DTD1: variants seen among roughly 807,000 people sequenced by gnomAD.
The protein encoded by DTD1 is D-tyrosyl-tRNA deacylase 1 homolog.
In DTD1, 13 loss-of-function variants were observed where a neutral mutation model predicts 25.6. The ratio of observed to expected loss-of-function variants is 0.51; its 90% CI spans 0.33 to 0.81. DTD1 has a LOEUF of 0.81. DTD1 is among the 30% of genes least tolerant of loss of function. DTD1 has a pLI of 0.02. For synonymous variants in DTD1, 110 were observed against 103.6 expected, an observed-to-expected ratio of 1.06 and a Z score of -0.37; for missense variants, 193 against 266.4, an observed-to-expected ratio of 0.72 and a Z score of 1.92.
chr20:18,607,260 C>G (rs1009946637), intron 3 of DTD1, among the ~76,000 whole-genome samples: 1 of 152,014 alleles, frequency 6.6e-6, no homozygotes, highest in Admixed American at 6.5e-5. Context: ...CTTCCGGGTT[C>G]AAACGATTCT....
chr20:18,722,325 A>G (rs1345367888), intron 4 of DTD1, among the ~76,000 whole-genome samples: 1 of 152,268 alleles, frequency 6.6e-6, no homozygotes, highest in Non-Finnish European at 1.5e-5. Context: ...TGCCCAGGCC[A>G]CTTGGCTAGG....
chr20:18,712,403 G>GTGGGGT (rs1487216379), intron 4 of DTD1, among the ~76,000 whole-genome samples: 1 of 145,908 alleles, frequency 6.9e-6, no homozygotes, highest in East Asian at 2.1e-4. Context: ...GGGGGTGGGG[G>GTGGGGT]TGGGGGGGAA....
At chr20:18,658,773 G>A (rs1352200163) in intron 4 of DTD1, among the ~76,000 whole-genome samples, 1 of 152,204 alleles carries the variant, frequency 6.6e-6, no homozygotes, top group Non-Finnish European at 1.5e-5. Flanking sequence ...CACTCCCCAT[G>A]TTAGCATCAA....
chr20:18,734,582 T>C (rs918791685), intron 4 of DTD1, among the ~76,000 whole-genome samples: 17 of 152,248 alleles, frequency 1.1e-4, no homozygotes, highest in African/African-American at 4.1e-4. Flanking sequence ...CAGAGCACAC[T>C]GAGGCATGGT....
At chr20:18,606,961 G>A (rs1265807418) in intron 3 of DTD1, among the ~76,000 whole-genome samples, 1 of 151,872 alleles carries the variant, frequency 6.6e-6, no homozygotes, top group Non-Finnish European at 1.5e-5. Flanking sequence ...TTTACTGAGA[G>A]TTTCTATCAT....
chr20:18,685,540 C>T (rs1005341362), intron 4 of DTD1, among the ~76,000 whole-genome samples: 5 of 152,132 alleles, frequency 3.3e-5, no homozygotes, highest in Admixed American at 2.6e-4. Flanking sequence ...CTGAGCCCTG[C>T]GCCTCGCTCC....
chr20:18,673,303 A>G lies in DTD1; in HGVS notation c.477+45070A>G, dbSNP rs118176350. Among the ~76,000 whole-genome samples, 1,485 of 152,324 alleles carry G rather than the reference A, an allele frequency of 9.7e-3. 11 individuals are homozygous for G. Among genetic ancestry groups the G allele is most frequent in the Admixed American group, 0.014 (209 of 15,298 alleles). On this transcript the variant is annotated intron_variant, in intron 4 of 5. Transcript: ENST00000377452. ...AATAAAATGTTTAACCTTTTCTGGT[A>G]TGAAAAATTCTACAAGTCAAAACAC...
chr20:18,711,515 C>CG (rs779399359), intron 4 of DTD1, among the ~76,000 whole-genome samples: 7 of 147,370 alleles, frequency 4.7e-5, no homozygotes, highest in Non-Finnish European at 1.1e-4. Context: ...TAGGCTTGTC[C>CG]TTTTTTTTTT....
chr20:18,651,000 A>G (rs1423323750), intron 4 of DTD1, among the ~76,000 whole-genome samples: 1 of 152,226 alleles, frequency 6.6e-6, no homozygotes, highest in Admixed American at 6.5e-5. Flanking sequence ...AGCAGGAGAG[A>G]AACCTATTAA....
chr20:18,596,728 C>CTTTT (rs1465192330), intron 3 of DTD1, among the ~76,000 whole-genome samples: 1 of 145,204 alleles, frequency 6.9e-6, no homozygotes, highest in African/African-American at 2.5e-5. Flanking sequence ...AGTTTACATT[C>CTTTT]TCTTTTTTTT....
intron 3 of DTD1, among the ~76,000 whole-genome samples, chr20:18,625,119 A>G (rs760396207): frequency 2.0e-5 from 3 of 152,212 alleles, no homozygotes; most frequent in Non-Finnish European, 2.9e-5. Context: ...GCGCTGTTGC[A>G]GAGCCAAGTG....
chr20:18,692,388 C>T (rs895460862), intron 4 of DTD1, among the ~76,000 whole-genome samples: 1 of 152,250 alleles, frequency 6.6e-6, no homozygotes, highest in African/African-American at 2.4e-5. Context: ...TGTATCTCTG[C>T]TTCCTTTGGC....
rs1486551925 is a variant in DTD1, at chr20:18,588,811, A to G, written c.43+696A>G. On this transcript the variant is annotated intron_variant, in intron 1 of 5. Transcript: ENST00000377452. ...ACCCGACCCCTGGTCATCACTCAGC[A>G]CTTTCGTCTCGGTTGGGCATCAGAG... 3.0e-6 allele frequency: 3 copies of G among 984,998 alleles called. No individual in the cohort carries two copies. In the East Asian group the frequency reaches 3.4e-4, roughly 112 times the overall value. The allele number at this position is 984,998 out of a possible 1,614,324, so 61.0% of individuals were successfully genotyped here.
chr20:18,734,920 G>A (rs551162936), intron 4 of DTD1, among the ~76,000 whole-genome samples: 1 of 152,302 alleles, frequency 6.6e-6, no homozygotes, highest in Admixed American at 6.5e-5. Context: ...TGACTTCTGC[G>A]GGGTCTGGCT....
At chr20:18,752,202 G>C (rs181217028) in intron 5 of DTD1, among the ~76,000 whole-genome samples, 4 of 152,172 alleles carry the variant, frequency 2.6e-5, no homozygotes, top group South Asian at 4.2e-4. Context: ...TCTTGGATCT[G>C]TGATTTGATG....
At chr20:18,599,819 G>A (rs1301575834) in intron 3 of DTD1, among the ~76,000 whole-genome samples, 1 of 152,154 alleles carries the variant, frequency 6.6e-6, no homozygotes, top group Non-Finnish European at 1.5e-5. Flanking sequence ...ATCATCTTTG[G>A]TGAGGTATCT....
At chr20:18,609,526 T>A (rs989578636) in intron 3 of DTD1, among the ~76,000 whole-genome samples, 1 of 149,980 alleles carries the variant, frequency 6.7e-6, no homozygotes, top group Non-Finnish European at 1.5e-5. Flanking sequence ...ATTTTTTTTT[T>A]ATTAGGCCTA....
intron 4 of DTD1, among the ~76,000 whole-genome samples, chr20:18,699,241 C>T (rs1251882166): frequency 6.6e-6 from 1 of 152,180 alleles, no homozygotes; most frequent in East Asian, 1.9e-4. Flanking sequence ...CAGAATGAAG[C>T]CTCCAACCCA....
chr20:18,613,485 T>C (rs1195828308), intron 3 of DTD1, among the ~76,000 whole-genome samples: 9 of 152,202 alleles, frequency 5.9e-5, no homozygotes. Context: ...TTTATTTTCA[T>C]AAGATACTTT....
Sources: allele counts gnomAD v4.1 joint callset (sites outside exome capture counted in the v4.1 genomes callset), GRCh38; gene constraint gnomAD v4.1.1; transcripts MANE v1.5; gene names NCBI Gene and HGNC (gene_info 2026-07-23, HGNC 2026-07-21).